The following FAM120A variants were observed in gnomAD, a reference collection of about 807,000 sequenced individuals.
FAM120A encodes family with sequence similarity 120 member A.
A neutral mutation model predicts 109.7 loss-of-function variants in FAM120A; 15 were observed. That is an observed-to-expected ratio of 0.14 (90% CI 0.09 to 0.21). The LOEUF (loss-of-function observed/expected upper bound fraction) is 0.21, where lower values mean the gene tolerates loss of function less well. FAM120A is among the 10% of genes least tolerant of loss of function. FAM120A has a pLI of 1.00. For synonymous variants in FAM120A, 493 were observed against 572.8 expected (o/e 0.86, Z 1.99); for missense variants, 899 against 1,439.3 (o/e 0.62, Z 6.07).
intron 5 of FAM120A, among the ~76,000 whole-genome samples, chr9:93,504,868 G>A (rs1215160925): frequency 6.6e-6 from 1 of 152,102 alleles, no homozygotes; most frequent in Non-Finnish European, 1.5e-5. Context: ...TCTCCTGGCA[G>A]AAGTGAAAGA....
chr9:93,553,535 C>G (rs947527286), intron 12 of FAM120A, among the ~76,000 whole-genome samples: 1 of 152,154 alleles, frequency 6.6e-6, no homozygotes. Context: ...TTGAGCTAAT[C>G]GGTCAGAGAG....
Position 93,497,587 on chromosome 9 carries a change from C to G in FAM120A, c.921C>G (p.Phe307Leu), listed in dbSNP as rs1859626437. 3 of 1,600,310 alleles carry G rather than the reference C, an allele frequency of 1.9e-6. No individual in the cohort carries two copies. Among genetic ancestry groups the G allele is most frequent in the Non-Finnish European group, 2.6e-6 (3 of 1,176,334 alleles). The change falls in exon 4 of 18, where the codon TTC (phenylalanine) becomes TTG (leucine). Residue 307 changes from phenylalanine to leucine, a missense_variant. Physicochemically the swap from Phe to Leu is conservative, Grantham distance 22. Around this residue, in one of 11 missense-constraint regions of FAM120A, gnomAD observed 258 missense variants for 451.4 expected, o/e 0.57. Coordinates refer to ENST00000277165, the MANE Select transcript of FAM120A (RefSeq NM_014612.5). ...TGGATGCCATAGCTAAAGATGTTTTCCAGCATTCACAGGTAAAAAAAAAAA... is the reference window on the plus strand; with the variant it reads ...TGGATGCCATAGCTAAAGATGTTTTGCAGCATTCACAGGTAAAAAAAAAAA... ...SDLDAIAKDV[F>L]QHSQSRTDDK... is the part of the protein sequence containing the mutation.
At chr9:93,541,677 A>G (rs1861706460) in intron 10 of FAM120A, among the ~76,000 whole-genome samples, 1 of 152,316 alleles carries the variant, frequency 6.6e-6, no homozygotes, top group South Asian at 2.1e-4. Context: ...GAGAGCAGTA[A>G]CATTTTTGTA....
chr9:93,533,695 G>A (rs1370475392), intron 10 of FAM120A, among the ~76,000 whole-genome samples: 2 of 152,104 alleles, frequency 1.3e-5, no homozygotes, highest in Non-Finnish European at 2.9e-5. Context: ...GGCTGACCAG[G>A]CCCTCAGACC....
At chr9:93,488,619 T>C (rs1201959275) in intron 3 of FAM120A, among the ~76,000 whole-genome samples, 1 of 152,132 alleles carries the variant, frequency 6.6e-6, no homozygotes, top group East Asian at 1.9e-4. Context: ...ACATCAGATT[T>C]GGCATTTCTG....
intron 3 of FAM120A, among the ~76,000 whole-genome samples, chr9:93,493,884 G>A (rs76703294): frequency 0.077 from 11,689 of 152,296 alleles, 581 homozygotes; most frequent in Non-Finnish European, 0.1. Context: ...AGCTCCTGGA[G>A]CGCTCTCTCA....
chr9:93,466,906 T>C (rs1431618039), intron 1 of FAM120A, among the ~76,000 whole-genome samples: 1 of 152,182 alleles, frequency 6.6e-6, no homozygotes, highest in Non-Finnish European at 1.5e-5. Flanking sequence ...ATTTCAGAAT[T>C]GTTAACACAG....
chr9:93,459,183 A>T (rs1338866443), intron 1 of FAM120A, among the ~76,000 whole-genome samples: 1 of 152,226 alleles, frequency 6.6e-6, no homozygotes, highest in Non-Finnish European at 1.5e-5. Context: ...GTATGTTTGC[A>T]GTGGACATTC....
intron 2 of FAM120A, among the ~76,000 whole-genome samples, chr9:93,472,805 T>G (rs187786350): frequency 5.9e-5 from 9 of 152,328 alleles, no homozygotes; most frequent in Admixed American, 5.9e-4. Context: ...TCAAAACGAT[T>G]GCGCTATTGA....
rs777844260 is a variant in FAM120A, at chr9:93,452,200, C to T, written c.285C>T (p.Phe95=). The stretch of plus-strand genomic sequence containing the variant: ...GCGGCAACATCGAGCTCTTCGTCTT[C>T]TTCAACGGCGCGCTCGAGAAGGCCC... ...CFGGNIELFV[F]FNGALEKARL... is the part of the protein sequence containing the mutation. Residue 95 remains phenylalanine (F), a synonymous_variant, in exon 1 of 18, where the codon TTC becomes TTT. Coordinates refer to ENST00000277165, the MANE Select transcript of FAM120A (RefSeq NM_014612.5). The surrounding 1 kb of genome is among the most constrained non-coding windows in gnomAD (Gnocchi z 7.0). 6.2e-7 allele frequency: 1 copy of T among 1,611,880 alleles called. No individual in the cohort carries two copies. The highest frequency in any genetic ancestry group is 8.5e-7 in the Non-Finnish European group (1 of 1,179,762).
At chr9:93,508,270 G>A (rs1399923970) in intron 5 of FAM120A, among the ~76,000 whole-genome samples, 4 of 152,210 alleles carry the variant, frequency 2.6e-5, no homozygotes, top group Non-Finnish European at 5.9e-5. Context: ...GCAAAGAACA[G>A]ATGCTACACA....
intron 9 of FAM120A, among the ~76,000 whole-genome samples, chr9:93,531,601 A>G (rs936876823): frequency 2.2e-4 from 34 of 152,334 alleles, no homozygotes; most frequent in Middle Eastern, 6.8e-3. Context: ...GTGGCTATGC[A>G]TGTCCTAGCC....
chr9:93,546,573 C>T (rs1861900308), intron 11 of FAM120A, among the ~76,000 whole-genome samples: 1 of 152,234 alleles, frequency 6.6e-6, no homozygotes, highest in African/African-American at 2.4e-5. Context: ...GCCATGCATG[C>T]AGCTGGTCCT....
intron 8 of FAM120A, 42 bp downstream of exon 8, chr9:93,527,284 T>G (rs1861126592): frequency 7.1e-7 from 1 of 1,398,784 alleles, no homozygotes; most frequent in African/African-American, 1.4e-5. Context: ...TCTGACTCAT[T>G]TTGTATTAGC....
intron 3 of FAM120A, among the ~76,000 whole-genome samples, chr9:93,480,855 G>A (rs901329810): frequency 6.6e-6 from 1 of 152,168 alleles, no homozygotes; most frequent in Non-Finnish European, 1.5e-5. Flanking sequence ...TTGGTCTTTC[G>A]AAGAGGCTCC....
rs531829746 is a variant in FAM120A at position 93,488,292 on chromosome 9, A to G, written c.805-9179A>G. 4.9e-3 allele frequency among the ~76,000 whole-genome samples: 741 copies of G among 152,028 alleles called. 8 individuals carry two copies. The highest frequency in any genetic ancestry group is 0.017 in the African/African-American group (707 of 41,444). ...GCTTAACTTCCTTCTCTTTAATCTC[A>G]TTGTCATAAGATTGCTTTTGTCAAG... On this transcript the variant is annotated intron_variant, in intron 3 of 17. Coordinates refer to ENST00000277165, the MANE Select transcript of FAM120A (RefSeq NM_014612.5).
chr9:93,452,576 G>T lies in FAM120A; in HGVS notation c.474+187G>T. 6.3e-7 allele frequency: 1 copy of T among 1,595,124 alleles called. No homozygotes were observed. On this transcript the variant is annotated intron_variant, in intron 1 of 17. Transcript: ENST00000277165. The surrounding 1 kb of genome is among the most constrained non-coding windows in gnomAD (Gnocchi z 7.0). ...TGGCCGCGGGTGCAGGCCGCGCGCT[G>T]CCCAAGCCCGTCTCCAGCTGTCCCT...
At chr9:93,501,156 G>T (rs1859783224) in intron 5 of FAM120A, among the ~76,000 whole-genome samples, 1 of 152,212 alleles carries the variant, frequency 6.6e-6, no homozygotes, top group African/African-American at 2.4e-5. Flanking sequence ...CACTGACATT[G>T]TGCTCCTGTG....
intron 7 of FAM120A, among the ~76,000 whole-genome samples, chr9:93,524,888 C>T (rs909464785): frequency 2.6e-5 from 4 of 152,208 alleles, no homozygotes; most frequent in African/African-American, 7.2e-5. Context: ...CACGTCTCAG[C>T]GCAGTGTAAG....
Sources: allele counts gnomAD v4.1 joint callset (sites outside exome capture counted in the v4.1 genomes callset), GRCh38; gene constraint gnomAD v4.1.1; regional missense constraint gnomAD v4.1.1; non-coding constraint Gnocchi (gnomAD v3.1); transcripts MANE v1.5; gene names NCBI Gene and HGNC (gene_info 2026-07-23, HGNC 2026-07-21).